FRYL: variants seen among roughly 807,000 people sequenced by gnomAD.
The protein encoded by FRYL is FRY like transcription coactivator, also known as protein furry homolog-like.
A neutral mutation model predicts 351.2 loss-of-function variants in FRYL; 150 were observed. That is an observed-to-expected ratio of 0.43 (90% CI 0.37 to 0.49). The LOEUF is 0.49. FRYL is among the 20% of genes least tolerant of loss of function. The pLI is 0.00. For synonymous variants in FRYL, 1,153 were observed against 1,257.1 expected, an observed-to-expected ratio of 0.92 and a Z score of 1.75; for missense variants, 3,036 against 3,619.3, an observed-to-expected ratio of 0.84 and a Z score of 4.13.
At chr4:48,712,517 A>G (rs1209202432) in intron 1 of FRYL, among the ~76,000 whole-genome samples, 2 of 152,216 alleles carry the variant, frequency 1.3e-5, no homozygotes, top group East Asian at 3.8e-4. Flanking sequence ...AAGTTTAGAG[A>G]AAAAAGAATA....
At chr4:48,716,715 G>A (rs1483948089) in intron 1 of FRYL, among the ~76,000 whole-genome samples, 5 of 151,614 alleles carry the variant, frequency 3.3e-5, no homozygotes, top group African/African-American at 9.7e-5. Context: ...TCAGTGTGGC[G>A]ATTTCTCAGG....
intron 11 of FRYL, among the ~76,000 whole-genome samples, chr4:48,605,192 T>A (rs1746521614): frequency 2.0e-5 from 3 of 152,314 alleles, no homozygotes; most frequent in South Asian, 2.1e-4. Context: ...TCCCCATTTT[T>A]AAAAATCTTC....
rs746434174 is a variant in FRYL, at chr4:48,567,363, A to G, written c.3054T>C (p.Tyr1018=). 5.6e-6 allele frequency: 9 copies of G among 1,611,834 alleles called. No individual in the cohort carries two copies. The Middle Eastern group carries it at 5.0e-4, about 90-fold the overall frequency. ...THFLNNTLLE[Y]VDLTRQLLEA... ...CCAGGAGTTGTCTAGTTAAATCTACATATTCCAATAAAGTGTTGTTGAGAA... is the reference window on the plus strand; with the variant it reads ...CCAGGAGTTGTCTAGTTAAATCTACGTATTCCAATAAAGTGTTGTTGAGAA... Residue 1018 remains tyrosine, a synonymous_variant, in exon 28 of 64, where the codon TAT becomes TAC. Coordinates refer to ENST00000358350, the MANE Select transcript of FRYL (RefSeq NM_015030.2). The surrounding 1 kb of genome is among the most constrained non-coding windows in gnomAD (Gnocchi z 4.2).
chr4:48,525,928 A>T (rs1726085673), intron 53 of FRYL, among the ~76,000 whole-genome samples: 1 of 150,898 alleles, frequency 6.6e-6, no homozygotes. Flanking sequence ...GTATATGAGT[A>T]GTATATGTAT....
At chr4:48,760,770 G>A (rs1774321173) in intron 1 of FRYL, among the ~76,000 whole-genome samples, 2 of 152,124 alleles carry the variant, frequency 1.3e-5, no homozygotes, top group African/African-American at 4.8e-5. Flanking sequence ...TCCGCCTCCT[G>A]GATTCAAGTG....
At chr4:48,622,998 A>G (rs1251484980) in intron 5 of FRYL, 128 bp downstream of exon 5, 1 of 618,836 alleles carries the variant, frequency 1.6e-6, no homozygotes, top group Non-Finnish European at 2.8e-6. Flanking sequence ...TATCAAATCT[A>G]GAATGAATTA....
chr4:48,563,318 T>G (rs1174575076), intron 31 of FRYL, among the ~76,000 whole-genome samples: 1 of 151,104 alleles, frequency 6.6e-6, no homozygotes, highest in African/African-American at 2.4e-5. Context: ...TTTTGTAATA[T>G]CCACCACCAC....
chr4:48,580,722 G>A (rs1740702399), intron 22 of FRYL, 143 bp downstream of exon 22: 1 of 523,196 alleles, frequency 1.9e-6, no homozygotes, highest in Non-Finnish European at 3.4e-6. Flanking sequence ...CTACTCTTAA[G>A]CATTTTCTAC....
chr4:48,737,714 T>TA (rs1771603962), intron 1 of FRYL, among the ~76,000 whole-genome samples: 1 of 152,122 alleles, frequency 6.6e-6, no homozygotes, highest in Non-Finnish European at 1.5e-5. Context: ...TAGATGCAAT[T>TA]ACCTTCAACA....
intron 49 of FRYL, 59 bp from the exon 50 acceptor site, chr4:48,531,412 C>G (rs1476454400): frequency 3.0e-6 from 3 of 994,364 alleles, no homozygotes; most frequent in Admixed American, 1.8e-5. Flanking sequence ...CTAAGAACAA[C>G]AATTTACTGT....
intron 34 of FRYL, 147 bp from the exon 35 acceptor site, chr4:48,557,265 A>G: frequency 8.3e-7 from 1 of 1,200,600 alleles, no homozygotes; most frequent in Non-Finnish European, 1.1e-6. Context: ...TTCTTCCAAC[A>G]AATCTAAACA....
At position 48,498,562 on chromosome 4, in the gene FRYL, T is replaced by TAACA. The variant is rs2148683054; in HGVS notation, c.*856_*859dup. 1 of 152,754 alleles carries TAACA rather than the reference T, an allele frequency of 6.5e-6. No homozygotes were observed. Among genetic ancestry groups the TAACA allele is most frequent in the African/African-American group, 2.4e-5 (1 of 41,578 alleles). 9.5% of individuals were successfully genotyped at this position (152,754 alleles called of 1,614,324 possible). A position where few individuals can be genotyped will look rare whatever the true frequency, so the allele number is the denominator to read the frequency against. On this transcript the variant is annotated 3_prime_UTR_variant, in exon 64 of 64. Coordinates refer to ENST00000358350, the MANE Select transcript of FRYL (RefSeq NM_015030.2). The stretch of plus-strand genomic sequence containing the variant: ...TACTTTGGTTAGTTATCAACAATCA[T>TAACA]AACATAAGCACTGATCAGAGAACTG...
chr4:48,498,834 A>T lies in FRYL; in HGVS notation c.*588T>A, dbSNP rs972216355. The T allele has an allele frequency of 5.9e-5, 9 of 153,602 alleles. No homozygotes were observed. The highest frequency in any genetic ancestry group is 1.2e-4 in the African/African-American group (5 of 41,454). The allele number at this position is 153,602 out of a possible 1,614,324, so 9.5% of individuals were successfully genotyped here. On this transcript the variant is annotated 3_prime_UTR_variant, in exon 64 of 64. Transcript: ENST00000358350. The stretch of plus-strand genomic sequence containing the variant: ...TCCATACATCCCAACTCACACACAC[A>T]TAATTCCTTATACAGACCAAAAAAC...
At chr4:48,525,045 G>A (rs1286125271) in intron 53 of FRYL, among the ~76,000 whole-genome samples, 1 of 147,722 alleles carries the variant, frequency 6.8e-6, no homozygotes, top group Non-Finnish European at 1.5e-5. Flanking sequence ...TAATTTTAGG[G>A]TGGTAACCTA....
rs541376397 is a variant in FRYL, at chr4:48,504,998, T to C, written c.8463+549A>G. On this transcript the variant is annotated intron_variant, in intron 60 of 63. Transcript: ENST00000358350. ...TTTCCCCTGTGAAGCTACACTTCCA[T>C]TGGAATAATTTGTAGGCCCTAACTT... 3.3e-4 allele frequency among the ~76,000 whole-genome samples: 51 copies of C among 152,284 alleles called. 1 individual carries two copies. Among genetic ancestry groups the C allele is most frequent in the African/African-American group, 1.2e-3 (50 of 41,586 alleles).
chr4:48,608,893 G>T, intron 9 of FRYL, 94 bp downstream of exon 9: 1 of 789,072 alleles, frequency 1.3e-6, no homozygotes, highest in Admixed American at 2.0e-5. Context: ...ATGGAAAATG[G>T]TGGATTTCGA....
chr4:48,724,786 G>A (rs750072425), intron 1 of FRYL, among the ~76,000 whole-genome samples: 4 of 152,228 alleles, frequency 2.6e-5, no homozygotes, highest in South Asian at 4.1e-4. Flanking sequence ...TGCCTTTAGA[G>A]GACTTTAGAG....
rs573091921 is a variant in FRYL at position 48,772,899 on chromosome 4, C to T, written c.-384+7179G>A. ...ACTTTTAACCTTTCTGAAGTATGGA[C>T]GCTGAAATAGAGGTGTATCTTACAA... On this transcript the variant is annotated intron_variant, in intron 1 of 63. Coordinates refer to ENST00000358350, the MANE Select transcript of FRYL (RefSeq NM_015030.2). 8.9e-4 allele frequency among the ~76,000 whole-genome samples: 135 copies of T among 152,204 alleles called. 2 individuals are homozygous for T. The highest frequency in any genetic ancestry group is 1.3e-3 in the Non-Finnish European group (86 of 68,010).
chr4:48,760,947 C>T (rs1363072771), intron 1 of FRYL, among the ~76,000 whole-genome samples: 3 of 151,096 alleles, frequency 2.0e-5, no homozygotes, highest in East Asian at 2.0e-4. Context: ...CAAAGTGCTG[C>T]GATTACAGGC....
Sources: allele counts gnomAD v4.1 joint callset (sites outside exome capture counted in the v4.1 genomes callset), GRCh38; gene constraint gnomAD v4.1.1; non-coding constraint Gnocchi (gnomAD v3.1); transcripts MANE v1.5; gene names NCBI Gene and HGNC (gene_info 2026-07-23, HGNC 2026-07-21).